MCHR2: variants seen among roughly 807,000 people sequenced by gnomAD.
MCHR2 encodes melanin concentrating hormone receptor 2.
Under a neutral mutation model 24.8 loss-of-function variants are expected in MCHR2, and 15 were observed. The observed-to-expected ratio is 0.60, with a 90% CI of 0.40 to 0.93. The LOEUF (loss-of-function observed/expected upper bound fraction) is 0.93, where lower values mean the gene tolerates loss of function less well. Ranked by LOEUF, MCHR2 falls within the 40% of genes least tolerant of loss-of-function variation. MCHR2 has a pLI of 0.00. For missense variants in MCHR2, 386 were observed against 408.7 expected (o/e 0.94, Z 0.48); for synonymous variants, 151 against 147.6 (o/e 1.02, Z -0.17).
chr6:99,926,326 T>G (rs868372387), intron 5 of MCHR2, among the ~76,000 whole-genome samples: 70 of 152,288 alleles, frequency 4.6e-4, no homozygotes, highest in African/African-American at 1.6e-3. Flanking sequence ...GCAGCATGAT[T>G]TATAGTCCTT....
chr6:99,978,819 C>T (rs1775611132), intron 1 of MCHR2, among the ~76,000 whole-genome samples: 1 of 152,124 alleles, frequency 6.6e-6, no homozygotes, highest in Non-Finnish European at 1.5e-5. Context: ...AAAAAATGTA[C>T]CCTGCTTCAC....
intron 1 of MCHR2, among the ~76,000 whole-genome samples, chr6:99,966,910 G>A (rs1241698086): frequency 6.6e-6 from 1 of 151,972 alleles, no homozygotes; most frequent in Non-Finnish European, 1.5e-5. Context: ...TGCTAAATAA[G>A]ATTAACTGCA....
At chr6:99,936,386 A>G (rs1774660839) in intron 4 of MCHR2, among the ~76,000 whole-genome samples, 1 of 151,250 alleles carries the variant, frequency 6.6e-6, no homozygotes, top group Non-Finnish European at 1.5e-5. Context: ...GTATGGTGAG[A>G]GGTATGGGTC....
At chr6:99,979,033 G>A (rs1775615287) in intron 1 of MCHR2, among the ~76,000 whole-genome samples, 2 of 152,196 alleles carry the variant, frequency 1.3e-5, no homozygotes, top group South Asian at 4.1e-4. Context: ...CAAGTGGTAG[G>A]AGGTGGGGCG....
intron 1 of MCHR2, among the ~76,000 whole-genome samples, chr6:99,988,599 A>G (rs748270460): frequency 1.3e-5 from 2 of 152,202 alleles, no homozygotes; most frequent in Admixed American, 6.5e-5. Context: ...CCACAGGGCT[A>G]GAAATGGACA....
intron 1 of MCHR2, among the ~76,000 whole-genome samples, 196 bp from the exon 2 acceptor site, chr6:99,956,370 G>A (rs1449466880): frequency 1.3e-5 from 2 of 152,070 alleles, no homozygotes; most frequent in Non-Finnish European, 1.5e-5. Flanking sequence ...TAAACAGCAA[G>A]TTACAGAACA....
At chr6:99,980,452 T>C (rs778890253) in intron 1 of MCHR2, among the ~76,000 whole-genome samples, 1 of 152,180 alleles carries the variant, frequency 6.6e-6, no homozygotes, top group African/African-American at 2.4e-5. Context: ...GATAATTCTA[T>C]AGAACTATGG....
At chr6:99,961,093 C>T (rs1478666389) in intron 1 of MCHR2, among the ~76,000 whole-genome samples, 4 of 151,812 alleles carry the variant, frequency 2.6e-5, no homozygotes, top group Admixed American at 2.6e-4. Context: ...TGCCAAAAGG[C>T]TAATATCCAG....
chr6:99,975,402 C>A (rs576334767), intron 1 of MCHR2, among the ~76,000 whole-genome samples: 1 of 152,174 alleles, frequency 6.6e-6, no homozygotes, highest in Non-Finnish European at 1.5e-5. Context: ...CCTGGTGTCC[C>A]GTTTTTTAAG....
At chr6:99,963,374 G>A (rs948546428) in intron 1 of MCHR2, among the ~76,000 whole-genome samples, 4 of 152,114 alleles carry the variant, frequency 2.6e-5, no homozygotes, top group African/African-American at 9.7e-5. Context: ...AATGAAACTT[G>A]AGGGCATGAT....
At chr6:99,960,552 A>G (rs1775164836) in intron 1 of MCHR2, among the ~76,000 whole-genome samples, 1 of 152,144 alleles carries the variant, frequency 6.6e-6, no homozygotes, top group Admixed American at 6.6e-5. Context: ...GAACAAAGCC[A>G]GAGGCATCAT....
In MCHR2 at chr6:99,918,774, CA is replaced by C. The variant is rs1195869635; in HGVS notation, c.*2165del. Among the ~76,000 whole-genome samples the C allele has an allele frequency of 6.6e-6, 1 of 152,046 alleles. No individual in the cohort carries two copies. The highest frequency in any genetic ancestry group is 2.4e-5 in the African/African-American group (1 of 41,434). ...TGCATAGAAACGCTATATAAAGGGACAAAAATAAATTTATTAATCACCCTTT... is the reference window on the plus strand; with the variant it reads ...TGCATAGAAACGCTATATAAAGGGACAAAATAAATTTATTAATCACCCTTT... On this transcript the variant is annotated 3_prime_UTR_variant, in exon 6 of 6. Transcript: ENST00000281806.
intron 1 of MCHR2, among the ~76,000 whole-genome samples, chr6:99,991,044 G>T (rs1480319026): frequency 6.6e-6 from 1 of 151,686 alleles, no homozygotes; most frequent in African/African-American, 2.4e-5. Flanking sequence ...TGGTGAAAGG[G>T]TGGTAACCCC....
At chr6:99,934,356 C>G (rs1212799490) in intron 5 of MCHR2, 42 bp downstream of exon 5, 1 of 1,508,600 alleles carries the variant, frequency 6.6e-7, no homozygotes, top group Non-Finnish European at 8.8e-7. Flanking sequence ...CTTAGGCTAT[C>G]TAAATTGTTC....
At chr6:99,988,555 A>G (rs974636831) in intron 1 of MCHR2, among the ~76,000 whole-genome samples, 7 of 152,158 alleles carry the variant, frequency 4.6e-5, no homozygotes, top group African/African-American at 1.4e-4. Flanking sequence ...AATTACAGTA[A>G]TTGGTCTAAA....
chr6:99,935,743 T>A (rs1774645019), intron 4 of MCHR2, among the ~76,000 whole-genome samples: 1 of 151,996 alleles, frequency 6.6e-6, no homozygotes, highest in Non-Finnish European at 1.5e-5. Context: ...AACTGTCGGA[T>A]CATATGGTAG....
chr6:99,990,877 G>A (rs1166899272), intron 1 of MCHR2, among the ~76,000 whole-genome samples: 1 of 148,908 alleles, frequency 6.7e-6, no homozygotes, highest in Admixed American at 6.8e-5. Flanking sequence ...TGATGATCAG[G>A]GTATCAGCTG....
At chr6:99,956,336 T>C (rs1170823861) in intron 1 of MCHR2, among the ~76,000 whole-genome samples, 162 bp from the exon 2 acceptor site, 1 of 152,086 alleles carries the variant, frequency 6.6e-6, no homozygotes, top group African/African-American at 2.4e-5. Context: ...CATAGTAATC[T>C]CACAGATTAC....
At chr6:99,933,993 G>A (rs1408992369) in intron 5 of MCHR2, among the ~76,000 whole-genome samples, 1 of 151,806 alleles carries the variant, frequency 6.6e-6, no homozygotes, top group Non-Finnish European at 1.5e-5. Context: ...AAATATTAAT[G>A]AGACTTTTCT....
Sources: allele counts gnomAD v4.1 joint callset (sites outside exome capture counted in the v4.1 genomes callset), GRCh38; gene constraint gnomAD v4.1.1; transcripts MANE v1.5; gene names NCBI Gene and HGNC (gene_info 2026-07-23, HGNC 2026-07-21).